Variants in FAM117B observed in about 807,000 individuals in gnomAD.
The protein encoded by FAM117B is protein FAM117B.
In FAM117B, 22 loss-of-function variants were observed where a neutral mutation model predicts 52.8. The observed-to-expected ratio is 0.42, with a 90% CI of 0.30 to 0.59. FAM117B has a LOEUF of 0.59. Among genes scored for constraint, FAM117B ranks in the 20% least tolerant of loss-of-function variants. FAM117B has a pLI of 0.22. For missense variants in FAM117B, 678 were observed against 802.6 expected (o/e 0.84, Z 1.88); for synonymous variants, 309 against 324.1 (o/e 0.95, Z 0.50).
At chr2:202,668,541 A>AAG (rs989872108) in intron 1 of FAM117B, among the ~76,000 whole-genome samples, 1 of 148,530 alleles carries the variant, frequency 6.7e-6, no homozygotes, top group African/African-American at 2.5e-5. Flanking sequence ...AAAAAAAAAA[A>AAG]AAAAAGAAAA....
chr2:202,742,506 C>G (rs1218306465), intron 4 of FAM117B, among the ~76,000 whole-genome samples: 1 of 152,040 alleles, frequency 6.6e-6, no homozygotes, highest in African/African-American at 2.4e-5. Flanking sequence ...AAGAATGAGA[C>G]CACACCATAT....
At chr2:202,764,904 A>G (rs1474112172) in intron 7 of FAM117B, among the ~76,000 whole-genome samples, 1 of 152,220 alleles carries the variant, frequency 6.6e-6, no homozygotes, top group Non-Finnish European at 1.5e-5. Context: ...GATTTTTACA[A>G]GCACTTGAAG....
At chr2:202,664,584 T>G (rs1400552267) in intron 1 of FAM117B, among the ~76,000 whole-genome samples, 1 of 152,150 alleles carries the variant, frequency 6.6e-6, no homozygotes, top group African/African-American at 2.4e-5. Flanking sequence ...AAGAACTAAT[T>G]ATGAAAATTT....
chr2:202,674,956 C>G (rs772935886), intron 1 of FAM117B, among the ~76,000 whole-genome samples: 1 of 152,098 alleles, frequency 6.6e-6, no homozygotes, highest in Admixed American at 6.5e-5. Flanking sequence ...AAGTTGGGGC[C>G]GGATGCAGTG....
chr2:202,641,119 T>C (rs904188897), intron 1 of FAM117B, among the ~76,000 whole-genome samples: 18 of 152,204 alleles, frequency 1.2e-4, no homozygotes, highest in African/African-American at 4.1e-4. Context: ...AAACTAGCCA[T>C]GTAAGACAGA....
chr2:202,688,893 A>G (rs1156584010), intron 1 of FAM117B, among the ~76,000 whole-genome samples: 1 of 152,224 alleles, frequency 6.6e-6, no homozygotes, highest in South Asian at 2.1e-4. Context: ...GTCTAAAAGG[A>G]TACCTATCTG....
At chr2:202,685,756 C>T (rs1370199581) in intron 1 of FAM117B, among the ~76,000 whole-genome samples, 1 of 152,086 alleles carries the variant, frequency 6.6e-6, no homozygotes, top group Non-Finnish European at 1.5e-5. Context: ...TAATCCCTTT[C>T]CTTAAACTGT....
At position 202,755,553 on chromosome 2, in the gene FAM117B, A is replaced by C; in HGVS notation, c.976A>C (p.Ser326Arg). ...TTTTCTTAAGGCTCCTGTTCCAAAG[A>C]GTGCACTTATTCCTGTAATTCCCAT... Reference protein sequence around the residue: ...INQCQAPVPKSALIPVIPITK... With the variant: ...INQCQAPVPKRALIPVIPITK... Residue 326 changes from serine (S) to arginine (R), a missense_variant, in exon 5 of 8, where the codon AGT (serine) becomes CGT (arginine). Ser to Arg is a moderately radical substitution (Grantham distance 110). Around this residue, in one of 3 missense-constraint regions of FAM117B, gnomAD observed 583 missense variants for 644.8 expected, o/e 0.90. Coordinates refer to ENST00000392238, the MANE Select transcript of FAM117B (RefSeq NM_173511.4). The C allele has an allele frequency of 6.2e-7, 1 of 1,614,076 alleles. No individual in the cohort carries two copies.
At chr2:202,694,619 A>G (rs1315250594) in intron 1 of FAM117B, among the ~76,000 whole-genome samples, 3 of 152,076 alleles carry the variant, frequency 2.0e-5, no homozygotes, top group Non-Finnish European at 4.4e-5. Flanking sequence ...TCTTATAACT[A>G]TTATATTGGC....
At chr2:202,720,734 C>T (rs931286579) in intron 2 of FAM117B, among the ~76,000 whole-genome samples, 7 of 152,050 alleles carry the variant, frequency 4.6e-5, no homozygotes, top group Non-Finnish European at 8.8e-5. Context: ...GTCATTCTCG[C>T]ACTTTTTTCC....
At chr2:202,637,908 ACT>A (rs1332776902) in intron 1 of FAM117B, among the ~76,000 whole-genome samples, 3 of 137,990 alleles carry the variant, frequency 2.2e-5, no homozygotes, top group African/African-American at 8.3e-5. Context: ...ATGGAGTCTC[ACT>A]CTGTCACCTA....
Position 202,765,847 on chromosome 2 carries a change from G to T in FAM117B, c.*83G>T, listed in dbSNP as rs1483889982. The T allele has an allele frequency of 2.8e-6, 4 of 1,411,122 alleles. No homozygotes were observed. Among genetic ancestry groups the T allele is most frequent in the Non-Finnish European group, 2.9e-6 (3 of 1,036,398 alleles). The allele number at this position is 1,411,122 out of a possible 1,614,324, so 87.4% of individuals were successfully genotyped here. ...ATTCTGATGGCATCGTGCGCTTCTG[G>T]TCGGCTGTGATGTGCTCCAGCTTTC... On this transcript the variant is annotated 3_prime_UTR_variant, in exon 8 of 8. Coordinates refer to ENST00000392238, the MANE Select transcript of FAM117B (RefSeq NM_173511.4).
At chr2:202,710,086 C>T (rs1690934906) in intron 2 of FAM117B, among the ~76,000 whole-genome samples, 1 of 152,100 alleles carries the variant, frequency 6.6e-6, no homozygotes, top group Admixed American at 6.5e-5. Context: ...TGTTCTTTCT[C>T]AAAATTTATT....
chr2:202,701,527 C>T (rs981368898), intron 2 of FAM117B, among the ~76,000 whole-genome samples: 4 of 152,166 alleles, frequency 2.6e-5, no homozygotes, highest in Non-Finnish European at 5.9e-5. Flanking sequence ...GATAGTGATT[C>T]CTCTGATGGA....
rs1158185300 is a variant in FAM117B at position 202,673,433 on chromosome 2, G to GTTTTTTTTTTTTTTTTTTT, written c.602-22434_602-22416dup. On this transcript the variant is annotated intron_variant, in intron 1 of 7. Coordinates refer to ENST00000392238, the MANE Select transcript of FAM117B (RefSeq NM_173511.4). ...TAGCCTACCCTATTTTTCTTTTTCT[G>GTTTTTTTTTTTTTTTTTTT]TTTTTTTTTTTTTTTTTTTTTTTTT... Among the ~76,000 whole-genome samples, 5 of 37,532 alleles carry GTTTTTTTTTTTTTTTTTTT rather than the reference G, an allele frequency of 1.3e-4. 1 individual carries two copies. Among genetic ancestry groups the GTTTTTTTTTTTTTTTTTTT allele is most frequent in the African/African-American group, 6.2e-4 (4 of 6,446 alleles). 24.6% of individuals were successfully genotyped at this position (37,532 alleles called of 152,430 possible).
chr2:202,752,112 G>A (rs946091370), intron 4 of FAM117B, among the ~76,000 whole-genome samples: 1 of 152,100 alleles, frequency 6.6e-6, no homozygotes, highest in Non-Finnish European at 1.5e-5. Flanking sequence ...TGAAAAAAAT[G>A]TGAAAAGATA....
chr2:202,660,726 A>ATATGCCTC (rs1690116267), intron 1 of FAM117B, among the ~76,000 whole-genome samples: 1 of 152,188 alleles, frequency 6.6e-6, no homozygotes, highest in Non-Finnish European at 1.5e-5. Flanking sequence ...CTACAACTGG[A>ATATGCCTC]TATGCCTCTA....
At chr2:202,668,393 T>C (rs1690241223) in intron 1 of FAM117B, among the ~76,000 whole-genome samples, 1 of 147,370 alleles carries the variant, frequency 6.8e-6, no homozygotes, top group African/African-American at 2.5e-5. Flanking sequence ...CTGGGCATAG[T>C]GGCGGGTGCC....
intron 7 of FAM117B, among the ~76,000 whole-genome samples, chr2:202,761,010 G>A (rs1241254959): frequency 1.3e-5 from 2 of 152,098 alleles, no homozygotes; most frequent in Non-Finnish European, 2.9e-5. Context: ...CCGGGCTCAG[G>A]CAATTCTCTC....
Sources: allele counts gnomAD v4.1 joint callset (sites outside exome capture counted in the v4.1 genomes callset), GRCh38; gene constraint gnomAD v4.1.1; regional missense constraint gnomAD v4.1.1; transcripts MANE v1.5; gene names NCBI Gene and HGNC (gene_info 2026-07-23, HGNC 2026-07-21).